The following BAZ2B variants were observed in gnomAD, a reference collection of about 807,000 sequenced individuals.
The protein encoded by BAZ2B is bromodomain adjacent to zinc finger domain protein 2B.
BAZ2B carries 91 observed loss-of-function variants against 246.0 expected under a neutral mutation model. The ratio of observed to expected loss-of-function variants is 0.37; its 90% CI spans 0.31 to 0.44. BAZ2B has a LOEUF of 0.44. Ranked by LOEUF, BAZ2B falls within the 20% of genes least tolerant of loss-of-function variation. The pLI is 1.00. For synonymous variants in BAZ2B, 855 were observed against 860.0 expected (o/e 0.99, Z 0.10); for missense variants, 2,332 against 2,533.7 (o/e 0.92, Z 1.71).
chr2:159,550,074 T>C (rs994870235), intron 2 of BAZ2B, among the ~76,000 whole-genome samples: 10 of 152,020 alleles, frequency 6.6e-5, no homozygotes, highest in Non-Finnish European at 1.5e-4. Context: ...TGCCCACCTC[T>C]GCCTGATCCA....
At chr2:159,393,153 T>C (rs1224944102) in intron 20 of BAZ2B, among the ~76,000 whole-genome samples, 1 of 152,128 alleles carries the variant, frequency 6.6e-6, no homozygotes, top group Non-Finnish European at 1.5e-5. Context: ...ACAAATTGTA[T>C]GAAGTAAAAC....
At chr2:159,338,193 C>A (rs1315226863) in intron 31 of BAZ2B, among the ~76,000 whole-genome samples, 2 of 152,076 alleles carry the variant, frequency 1.3e-5, no homozygotes, top group African/African-American at 4.8e-5. Flanking sequence ...ACTGCAGGGG[C>A]TTCAAATATG....
intron 1 of BAZ2B, among the ~76,000 whole-genome samples, chr2:159,585,769 T>G (rs1687881567): frequency 6.6e-6 from 1 of 152,272 alleles, no homozygotes. Flanking sequence ...GATGCCTTCA[T>G]TCAATGACTA....
rs557080621 is a variant in BAZ2B, at chr2:159,436,486, C to T, written c.1293+1817G>A. 4.6e-5 allele frequency among the ~76,000 whole-genome samples: 7 copies of T among 152,276 alleles called. No individual in the cohort carries two copies. The South Asian group carries it at 8.3e-4, about 18-fold the overall frequency. On this transcript the variant is annotated intron_variant, in intron 8 of 36. Transcript: ENST00000392783. ...ATTTGGGGCCAGGTGTGGTGGCTCA[C>T]GCCTGTAATCCCAGCACTTTGGGAG...
At chr2:159,641,840 CA>C in the BAZ2B span, among the ~76,000 whole-genome samples, 1 of 152,136 alleles carries the variant, frequency 6.6e-6, no homozygotes, top group African/African-American at 2.4e-5. Context: ...AGTTATCTCT[CA>C]AATATAATAT....
At chr2:159,405,552 T>TA (rs2065799463) in intron 14 of BAZ2B, among the ~76,000 whole-genome samples, 1 of 152,158 alleles carries the variant, frequency 6.6e-6, no homozygotes, top group African/African-American at 2.4e-5. Flanking sequence ...GTCAGACAGA[T>TA]ACCAAGTAGA....
intron 17 of BAZ2B, among the ~76,000 whole-genome samples, chr2:159,399,227 A>G (rs2064563155): frequency 7.4e-6 from 1 of 135,382 alleles, no homozygotes; most frequent in South Asian, 2.5e-4. Flanking sequence ...TTTATGTCAC[A>G]TTGTTTTTCT....
Position 159,373,000 on chromosome 2 carries a change from T to C in BAZ2B, c.4213+45A>G, listed in dbSNP as rs528174673. ...GAAGAAGTAACAGAGTTTTAAAATA[T>C]ATAGTTTCTTATTTAACAATTTGTA... is the stretch of plus-strand genomic sequence containing the variant. On this transcript the variant is annotated intron_variant, in intron 27 of 36. Transcript: ENST00000392783. 2.6e-5 allele frequency: 40 copies of C among 1,547,408 alleles called. No homozygotes were observed. The Admixed American group carries it at 4.9e-4, about 19-fold the overall frequency.
Position 159,501,442 on chromosome 2 carries a change from G to A in BAZ2B, c.-2-22721C>T, listed in dbSNP as rs534700030. 8.7e-5 allele frequency among the ~76,000 whole-genome samples: 13 copies of A among 149,752 alleles called. No homozygotes were observed. The South Asian group carries it at 2.3e-3, about 27-fold the overall frequency. ...ACACACACTGTGTGTGTGCGTTTGTGTGTGAAAACATTCAATGGTTAAACA... is the reference window on the plus strand; with the variant it reads ...ACACACACTGTGTGTGTGCGTTTGTATGTGAAAACATTCAATGGTTAAACA... On this transcript the variant is annotated intron_variant, in intron 2 of 36. Transcript: ENST00000392783.
the BAZ2B span, chr2:159,693,541 A>G: frequency 2.7e-5 from 4 of 149,770 alleles, no homozygotes; most frequent in Non-Finnish European, 5.9e-5. Context: ...CTCCCATCTG[A>G]GTCTCCCAAG....
intron 1 of BAZ2B, among the ~76,000 whole-genome samples, chr2:159,596,475 T>C (rs975774165): frequency 2.0e-5 from 3 of 152,230 alleles, no homozygotes; most frequent in East Asian, 1.9e-4. Context: ...GCAGCTAACA[T>C]AGAAAAGAAG....
intron 27 of BAZ2B, among the ~76,000 whole-genome samples, chr2:159,360,307 A>G (rs980129138): frequency 6.6e-6 from 1 of 152,220 alleles, no homozygotes; most frequent in African/African-American, 2.4e-5. Context: ...CTATCCACCA[A>G]TAATAGACAA....
At chr2:159,637,573 T>G in the BAZ2B span, among the ~76,000 whole-genome samples, 2 of 152,212 alleles carry the variant, frequency 1.3e-5, no homozygotes, top group Non-Finnish European at 2.9e-5. Context: ...CTTTTTATTT[T>G]TATTTTTTTC....
the BAZ2B span, among the ~76,000 whole-genome samples, chr2:159,624,435 T>C: frequency 1.1e-4 from 16 of 152,176 alleles, no homozygotes; most frequent in East Asian, 2.9e-3. Context: ...ATACCTCATA[T>C]AGGAGAGGTC....
intron 28 of BAZ2B, 52 bp downstream of exon 28, chr2:159,349,656 T>A: frequency 6.7e-7 from 1 of 1,501,668 alleles, no homozygotes; most frequent in East Asian, 2.3e-5. Context: ...CTCCATGGGG[T>A]CAAAGATTAC....
At chr2:159,379,425 T>C (rs2149475727) in intron 25 of BAZ2B, among the ~76,000 whole-genome samples, 1 of 152,292 alleles carries the variant, frequency 6.6e-6, no homozygotes, top group South Asian at 2.1e-4. Flanking sequence ...TACAACCTCA[T>C]GCCCATAGTT....
At chr2:159,453,826 A>T in intron 3 of BAZ2B, 25 bp from the exon 4 acceptor site, 1 of 1,538,674 alleles carries the variant, frequency 6.5e-7, no homozygotes, top group South Asian at 1.3e-5. Context: ...AACACACTTA[A>T]AGTTGTACTA....
intron 1 of BAZ2B, among the ~76,000 whole-genome samples, chr2:159,595,238 G>C (rs576262474): frequency 2.0e-5 from 3 of 152,136 alleles, no homozygotes; most frequent in African/African-American, 7.2e-5. Flanking sequence ...GAGTAGCTGG[G>C]ATCACAGGCA....
Position 159,348,748 on chromosome 2 carries a change from T to C in BAZ2B, c.5223A>G (p.Glu1741=), listed in dbSNP as rs535112643. The C allele has an allele frequency of 1.3e-5, 21 of 1,613,526 alleles. No individual in the cohort carries two copies. In the African/African-American group the frequency reaches 2.3e-4, roughly 17 times the overall value. Residue 1741 remains glutamate, a synonymous_variant, in exon 30 of 37, where the codon GAA becomes GAG. Transcript: ENST00000392783. The part of the protein sequence containing the change: ...LKVLHLRGIR[E]KALQKQIQKH... The stretch of plus-strand genomic sequence containing the variant: ...TCTGAATTTGTTTTTGTAATGCCTT[T>C]TCTCTTATTCCTCTGAGATGCAGCA...
Sources: gnomAD v4.1 joint callset for allele counts (sites outside exome capture counted in the v4.1 genomes callset) on GRCh38, gnomAD v4.1.1 for gene constraint, MANE v1.5 for transcripts, NCBI Gene and HGNC (gene_info 2026-07-23, HGNC 2026-07-21) for gene names.